The following SLC25A48 variants were observed in gnomAD, a reference collection of about 807,000 sequenced individuals.
SLC25A48 encodes the protein CTC-321K16.1.
SLC25A48 carries 29 observed loss-of-function variants against 32.2 expected under a neutral mutation model. The ratio of observed to expected loss-of-function variants is 0.90; its 90% CI spans 0.67 to 1.23. The LOEUF (loss-of-function observed/expected upper bound fraction) is 1.23. Ranked by LOEUF, SLC25A48 falls within the 50% of genes most tolerant of loss-of-function variation. The pLI is 0.00. For synonymous variants in SLC25A48, 164 were observed against 172.3 expected (o/e 0.95, Z 0.38); for missense variants, 399 against 422.7 (o/e 0.94, Z 0.49).
At chr5:135,887,962 G>T in intron 7 of SLC25A48, 70 bp from the exon 8 acceptor site, 1 of 1,411,088 alleles carries the variant, frequency 7.1e-7, no homozygotes, top group Non-Finnish European at 9.8e-7. Context: ...GGGGTGGCCT[G>T]GTGTGATTTT....
chr5:135,834,436 C>G (rs1758329430), upstream of SLC25A48, among the ~76,000 whole-genome samples: 1 of 152,244 alleles, frequency 6.6e-6, no homozygotes, highest in African/African-American at 2.4e-5. Flanking sequence ...GGGAGATACG[C>G]GCATTGCCGT....
At chr5:135,833,883 T>A (rs751147490), upstream of SLC25A48, among the ~76,000 whole-genome samples, 1 of 152,186 alleles carries the variant, frequency 6.6e-6, no homozygotes, top group Non-Finnish European at 1.5e-5. Context: ...GTGACATGAA[T>A]ATGCCCAGTG....
intron 3 of SLC25A48, among the ~76,000 whole-genome samples, chr5:135,790,685 C>A (rs184320875): frequency 7.8e-6 from 1 of 128,094 alleles, no homozygotes; most frequent in East Asian, 2.1e-4. Context: ...TCTGGTGATG[C>A]TACTCCTAAT....
chr5:135,742,840 G>T (rs921646770), intron 3 of SLC25A48, among the ~76,000 whole-genome samples: 3 of 152,038 alleles, frequency 2.0e-5, no homozygotes, highest in African/African-American at 4.8e-5. Flanking sequence ...CAAGGGTAGG[G>T]ACTGTCTGAA....
intron 3 of SLC25A48, among the ~76,000 whole-genome samples, chr5:135,749,086 G>A (rs533150558): frequency 2.3e-4 from 35 of 152,046 alleles, no homozygotes; most frequent in African/African-American, 8.2e-4. Context: ...ATTTCCTGGC[G>A]GGCTCCTCCT....
chr5:135,879,795 G>A (rs562726497), intron 6 of SLC25A48, among the ~76,000 whole-genome samples, 173 bp from the exon 7 acceptor site: 1 of 152,324 alleles, frequency 6.6e-6, no homozygotes, highest in Non-Finnish European at 1.5e-5. Flanking sequence ...CGCGGGTCAG[G>A]GCAGGGCATG....
intron 3 of SLC25A48, among the ~76,000 whole-genome samples, chr5:135,788,517 G>A (rs954912975): frequency 4.1e-5 from 6 of 145,408 alleles, no homozygotes; most frequent in South Asian, 2.5e-4. Context: ...TACACCTCCC[G>A]CCATATGGTC....
intron 3 of SLC25A48, among the ~76,000 whole-genome samples, chr5:135,688,402 G>A (rs1754067830): frequency 6.6e-6 from 1 of 152,166 alleles, no homozygotes; most frequent in East Asian, 1.9e-4. Context: ...ATTCCTGTAA[G>A]AGATTTTGAC....
At chr5:135,618,626 T>C (rs1026184752) in intron 1 of SLC25A48, among the ~76,000 whole-genome samples, 7 of 152,156 alleles carry the variant, frequency 4.6e-5, no homozygotes, top group Admixed American at 6.5e-5. Flanking sequence ...ATGGTAGTTA[T>C]TGTTCTTTCT....
chr5:135,623,501 T>G (rs1279070440), intron 1 of SLC25A48, among the ~76,000 whole-genome samples: 1 of 152,080 alleles, frequency 6.6e-6, no homozygotes, highest in Non-Finnish European at 1.5e-5. Context: ...GGCTCAGGGG[T>G]GTTGGAGCCA....
intron 3 of SLC25A48, among the ~76,000 whole-genome samples, chr5:135,647,552 G>A (rs1463112545): frequency 6.6e-6 from 1 of 152,070 alleles, no homozygotes; most frequent in South Asian, 2.1e-4. Context: ...GTCCTCATTA[G>A]GGTAGAGCAG....
intron 7 of SLC25A48, among the ~76,000 whole-genome samples, chr5:135,886,673 TGAGAGAGA>T (rs368347571): frequency 0.024 from 787 of 32,688 alleles, 58 homozygotes; most frequent in African/African-American, 0.065. Context: ...TGTGTGTGTG[TGAGAGAGA>T]GAGAGAGAGA....
At chr5:135,651,912 A>G (rs1450243862) in intron 3 of SLC25A48, among the ~76,000 whole-genome samples, 2 of 152,222 alleles carry the variant, frequency 1.3e-5, no homozygotes, top group Non-Finnish European at 2.9e-5. Flanking sequence ...GGGAAGATAT[A>G]TATGGATGGA....
chr5:135,602,333 G>A (rs1341119491), intron 1 of SLC25A48, among the ~76,000 whole-genome samples: 2 of 152,210 alleles, frequency 1.3e-5, no homozygotes, highest in African/African-American at 4.8e-5. Flanking sequence ...AGTTCAGTGA[G>A]ACTTTGCCAC....
intron 3 of SLC25A48, among the ~76,000 whole-genome samples, chr5:135,776,443 A>T (rs1041442741): frequency 3.3e-5 from 5 of 151,898 alleles, no homozygotes; most frequent in African/African-American, 9.7e-5. Context: ...GGAGAGGATG[A>T]CATTACTTAT....
intron 1 of SLC25A48, among the ~76,000 whole-genome samples, chr5:135,596,238 T>A (rs1184906134): frequency 6.6e-6 from 1 of 152,224 alleles, no homozygotes; most frequent in Non-Finnish European, 1.5e-5. Context: ...GGGTGTTTTT[T>A]CAGAATATTT....
chr5:135,864,854 C>T (rs147398575), intron 4 of SLC25A48, among the ~76,000 whole-genome samples: 89 of 152,326 alleles, frequency 5.8e-4, no homozygotes, highest in African/African-American at 2.1e-3. Context: ...GATTTCTGGA[C>T]TTAACACCAG....
chr5:135,706,271 A>C (rs1754505548), intron 3 of SLC25A48, among the ~76,000 whole-genome samples: 1 of 152,110 alleles, frequency 6.6e-6, no homozygotes, highest in Non-Finnish European at 1.5e-5. Flanking sequence ...TGGGTTACAA[A>C]AGTGATTTAC....
chr5:135,685,996 C>G (rs746425367), intron 3 of SLC25A48, among the ~76,000 whole-genome samples: 1 of 152,198 alleles, frequency 6.6e-6, no homozygotes, highest in South Asian at 2.1e-4. Context: ...GTGACTGCTG[C>G]TGGAGCTGTC....
Sources: allele counts gnomAD v4.1 joint callset (sites outside exome capture counted in the v4.1 genomes callset), GRCh38; gene constraint gnomAD v4.1.1; transcripts MANE v1.5; gene names NCBI Gene and HGNC (gene_info 2026-07-23, HGNC 2026-07-21).